CADM1: variants seen among roughly 807,000 people sequenced by gnomAD.
CADM1 encodes cell adhesion molecule 1.
In CADM1, 15 loss-of-function variants were observed where a neutral mutation model predicts 53.1. The ratio of observed to expected loss-of-function variants is 0.28; its 90% CI spans 0.19 to 0.44. CADM1 has a LOEUF of 0.44. Among genes scored for constraint, CADM1 ranks in the 20% least tolerant of loss-of-function variants. The pLI, the probability that CADM1 is intolerant of heterozygous loss-of-function variation, is 1.00. For missense variants in CADM1, 434 were observed against 611.3 expected (o/e 0.71, Z 3.06); for synonymous variants, 281 against 243.0 (o/e 1.16, Z -1.45).
chr11:115,471,598 C>G (rs1388687200), intron 1 of CADM1, among the ~76,000 whole-genome samples: 12 of 152,154 alleles, frequency 7.9e-5, no homozygotes, highest in Admixed American at 6.5e-5. Flanking sequence ...AGGCTTGTTA[C>G]ACACAGATTT....
chr11:115,386,010 G>T (rs1180966122), intron 1 of CADM1, among the ~76,000 whole-genome samples: 1 of 152,224 alleles, frequency 6.6e-6, no homozygotes, highest in African/African-American at 2.4e-5. Context: ...GATTACTTGA[G>T]TTACCTCTAA....
intron 1 of CADM1, among the ~76,000 whole-genome samples, chr11:115,409,654 G>A (rs182631722): frequency 3.3e-5 from 5 of 151,936 alleles, no homozygotes; most frequent in African/African-American, 1.2e-4. Flanking sequence ...AATAATCCAC[G>A]GAGAATGCAT....
intron 1 of CADM1, among the ~76,000 whole-genome samples, chr11:115,437,352 T>G (rs1016297594): frequency 6.6e-6 from 1 of 152,202 alleles, no homozygotes; most frequent in Non-Finnish European, 1.5e-5. Context: ...TGGGCCTAGA[T>G]AGACAAGACA....
intron 1 of CADM1, among the ~76,000 whole-genome samples, chr11:115,252,563 G>A (rs901911682): frequency 6.6e-6 from 1 of 152,112 alleles, no homozygotes; most frequent in Non-Finnish European, 1.5e-5. Context: ...AGCAGATGAG[G>A]GCAGAGGACC....
At chr11:115,275,789 A>G (rs897977981) in intron 1 of CADM1, among the ~76,000 whole-genome samples, 1 of 152,168 alleles carries the variant, frequency 6.6e-6, no homozygotes, top group African/African-American at 2.4e-5. Context: ...GTTAGAGGAT[A>G]ATGGTGCGCT....
intron 10 of CADM1, among the ~76,000 whole-genome samples, chr11:115,180,874 A>G (rs1449710893): frequency 2.0e-5 from 3 of 152,184 alleles, no homozygotes; most frequent in African/African-American, 7.2e-5. Context: ...ACTCATCTCC[A>G]ATGGCCATGA....
chr11:115,409,809 CA>C (rs1278377148), intron 1 of CADM1, among the ~76,000 whole-genome samples: 1 of 151,986 alleles, frequency 6.6e-6, no homozygotes, highest in African/African-American at 2.4e-5. Flanking sequence ...TTCAAGCTGG[CA>C]AAAGTCCAAA....
chr11:115,367,453 A>G (rs1378885050), intron 1 of CADM1, among the ~76,000 whole-genome samples: 1 of 152,230 alleles, frequency 6.6e-6, no homozygotes, highest in African/African-American at 2.4e-5. Flanking sequence ...TGTTCTCTTT[A>G]ACATGTGCTT....
At chr11:115,484,824 G>A (rs1243499056) in intron 1 of CADM1, among the ~76,000 whole-genome samples, 1 of 151,982 alleles carries the variant, frequency 6.6e-6, no homozygotes, top group Non-Finnish European at 1.5e-5. Context: ...GCGGGCGCCT[G>A]TAGTCCCAGC....
At chr11:115,466,705 T>C (rs147619489) in intron 1 of CADM1, among the ~76,000 whole-genome samples, 1 of 152,304 alleles carries the variant, frequency 6.6e-6, no homozygotes, top group African/African-American at 2.4e-5. Context: ...TCAATTAGGA[T>C]CTCGAGTTTT....
intron 4 of CADM1, among the ~76,000 whole-genome samples, chr11:115,230,306 G>A (rs1941770834): frequency 6.6e-6 from 1 of 152,042 alleles, no homozygotes; most frequent in South Asian, 2.1e-4. Flanking sequence ...CACATATACA[G>A]CACTTACTTT....
In CADM1 at chr11:115,190,583, A is replaced by T. The variant is rs1311335086; in HGVS notation, c.1165+305T>A. ...ACAACAAAATTTCTCCCGACACATT[A>T]TATATCTAGGACATAAACATTATTT... On this transcript the variant is annotated intron_variant, in intron 10 of 11. Transcript: ENST00000331581. 1.7e-5 allele frequency: 5 copies of T among 291,758 alleles called. No homozygotes were observed. The South Asian group carries it at 4.5e-4, about 27-fold the overall frequency. The allele number at this position is 291,758 out of a possible 1,614,324, so 18.1% of individuals were successfully genotyped here. A position where few individuals can be genotyped will look rare whatever the true frequency, so the allele number is the denominator to read the frequency against.
chr11:115,396,016 T>C (rs1946986197), intron 1 of CADM1, among the ~76,000 whole-genome samples: 1 of 152,214 alleles, frequency 6.6e-6, no homozygotes, highest in Non-Finnish European at 1.5e-5. Context: ...CTTAACTCTG[T>C]AGAAATCTCT....
intron 1 of CADM1, among the ~76,000 whole-genome samples, chr11:115,466,860 T>C (rs930701873): frequency 6.6e-6 from 1 of 152,178 alleles, no homozygotes; most frequent in Non-Finnish European, 1.5e-5. Flanking sequence ...ATCGTAGGTC[T>C]CAGATTTTGC....
At chr11:115,339,396 T>G (rs1215101871) in intron 1 of CADM1, among the ~76,000 whole-genome samples, 1 of 152,042 alleles carries the variant, frequency 6.6e-6, no homozygotes, top group African/African-American at 2.4e-5. Flanking sequence ...CCAACAATGA[T>G]AGACTGGATT....
intron 1 of CADM1, among the ~76,000 whole-genome samples, chr11:115,274,591 G>A (rs1332129214): frequency 6.6e-6 from 1 of 152,202 alleles, no homozygotes; most frequent in Non-Finnish European, 1.5e-5. Flanking sequence ...CTTAAAAACT[G>A]GGGGAGACAA....
intron 1 of CADM1, among the ~76,000 whole-genome samples, chr11:115,280,599 A>G (rs1943560432): frequency 6.6e-6 from 1 of 152,212 alleles, no homozygotes; most frequent in Non-Finnish European, 1.5e-5. Flanking sequence ...AGAAAAAATT[A>G]CAGCACTCTG....
intron 1 of CADM1, among the ~76,000 whole-genome samples, chr11:115,354,109 GA>G (rs1475551181): frequency 6.6e-6 from 1 of 152,078 alleles, no homozygotes; most frequent in Non-Finnish European, 1.5e-5. Context: ...AAACAATAGG[GA>G]AAACAGTTAA....
At chr11:115,362,381 A>G (rs1349461637) in intron 1 of CADM1, among the ~76,000 whole-genome samples, 3 of 152,184 alleles carry the variant, frequency 2.0e-5, no homozygotes, top group African/African-American at 4.8e-5. Context: ...GAAAACTGAC[A>G]GTTTGTATTT....
Sources: allele counts gnomAD v4.1 joint callset (sites outside exome capture counted in the v4.1 genomes callset), GRCh38; gene constraint gnomAD v4.1.1; transcripts MANE v1.5; gene names NCBI Gene and HGNC (gene_info 2026-07-23, HGNC 2026-07-21).